Variants in IL1RAPL1 observed in about 807,000 individuals in gnomAD.
IL1RAPL1 encodes the protein interleukin-1 receptor accessory protein-like 1.
IL1RAPL1 carries 3 observed loss-of-function variants against 48.4 expected under a neutral mutation model. That is an observed-to-expected ratio of 0.06 (90% CI 0.03 to 0.16). The LOEUF (loss-of-function observed/expected upper bound fraction) is 0.16. IL1RAPL1 is among the 10% of genes least tolerant of loss of function. The pLI, the probability that IL1RAPL1 is intolerant of heterozygous loss-of-function variation, is 1.00. For synonymous variants in IL1RAPL1, 185 were observed against 187.7 expected, an observed-to-expected ratio of 0.99 and a Z score of 0.12; for missense variants, 349 against 530.6, an observed-to-expected ratio of 0.66 and a Z score of 3.36.
intron 3 of IL1RAPL1, among the ~76,000 whole-genome samples, chrX:29,358,244 C>T (rs1228044854): frequency 1.8e-5 from 2 of 111,142 alleles, no homozygotes; most frequent in Non-Finnish European, 3.8e-5. Flanking sequence ...GCTGCTTCTG[C>T]AGCCTTCCAA....
intron 5 of IL1RAPL1, among the ~76,000 whole-genome samples, chrX:29,605,931 A>T (rs1347113952): frequency 8.9e-6 from 1 of 112,110 alleles, no homozygotes; most frequent in Non-Finnish European, 1.9e-5. Context: ...AAAGAGATGG[A>T]TTTCGAAGAC....
chrX:29,244,253 C>A (rs1482350227), intron 2 of IL1RAPL1, among the ~76,000 whole-genome samples: 1 of 112,106 alleles, frequency 8.9e-6, no homozygotes, highest in Non-Finnish European at 1.9e-5. Context: ...TCTCAGGGAT[C>A]TGTCTGGTGA....
chrX:29,823,349 T>C (rs923561107), intron 6 of IL1RAPL1, among the ~76,000 whole-genome samples: 32 of 112,023 alleles, frequency 2.9e-4, no homozygotes, highest in African/African-American at 1.0e-3. Context: ...TGCTTCAAAC[T>C]GTGAGATATT....
intron 5 of IL1RAPL1, among the ~76,000 whole-genome samples, chrX:29,433,377 G>A (rs914639545): frequency 5.4e-5 from 6 of 110,576 alleles, no homozygotes; most frequent in African/African-American, 2.0e-4. Flanking sequence ...TCCCTTTCAA[G>A]TATATATAAT....
rs1033951038 is a variant in IL1RAPL1 at position 28,798,168 on chromosome X, C to A, written c.82+8743C>A. Among the ~76,000 whole-genome samples the A allele has an allele frequency of 3.6e-5, 4 of 111,066 alleles. No individual in the cohort carries two copies. The South Asian group carries it at 1.5e-3, about 43-fold the overall frequency. ...ATTCAAGATGAGATTTGGGTGGGGACACAGCCAAACCATATCAATGTTTAT... is the reference window on the plus strand; with the variant it reads ...ATTCAAGATGAGATTTGGGTGGGGAAACAGCCAAACCATATCAATGTTTAT... On this transcript the variant is annotated intron_variant, in intron 2 of 10. Coordinates refer to ENST00000378993, the MANE Select transcript of IL1RAPL1 (RefSeq NM_014271.4).
chrX:29,496,032 A>G (rs1419720489), intron 5 of IL1RAPL1, among the ~76,000 whole-genome samples: 1 of 111,374 alleles, frequency 9.0e-6, no homozygotes, highest in Non-Finnish European at 1.9e-5. Flanking sequence ...CTTTGCAGTT[A>G]TATCATACTG....
At chrX:29,113,487 T>C (rs772802513) in intron 2 of IL1RAPL1, among the ~76,000 whole-genome samples, 1 of 111,791 alleles carries the variant, frequency 8.9e-6, no homozygotes, top group South Asian at 3.8e-4. Context: ...AGTCTGGAAA[T>C]AATATATTTA....
At chrX:29,658,998 A>G (rs376108413) in intron 5 of IL1RAPL1, among the ~76,000 whole-genome samples, 219 of 112,167 alleles carry the variant, frequency 2.0e-3, no homozygotes, top group Middle Eastern at 4.6e-3. Context: ...ATTCATTGCA[A>G]TCCCTATCAA....
chrX:29,836,717 A>AT (rs1010516780), intron 6 of IL1RAPL1, among the ~76,000 whole-genome samples: 35 of 109,962 alleles, frequency 3.2e-4, no homozygotes, highest in Non-Finnish European at 4.0e-4. Context: ...ACATTGATAG[A>AT]TTTTTTTTTC....
intron 2 of IL1RAPL1, among the ~76,000 whole-genome samples, chrX:28,847,856 AT>A (rs1381968481): frequency 1.8e-5 from 2 of 111,379 alleles, no homozygotes; most frequent in African/African-American, 6.5e-5. Flanking sequence ...ATAATTTCTT[AT>A]TGTCTGTCTC....
chrX:29,268,717 C>A (rs1931994783), intron 2 of IL1RAPL1, among the ~76,000 whole-genome samples: 1 of 112,049 alleles, frequency 8.9e-6, no homozygotes, highest in Non-Finnish European at 1.9e-5. Context: ...GTGGGGAACC[C>A]TGCTTAATGC....
At chrX:29,099,940 G>C (rs903724178) in intron 2 of IL1RAPL1, among the ~76,000 whole-genome samples, 1 of 111,186 alleles carries the variant, frequency 9.0e-6, no homozygotes, top group African/African-American at 3.3e-5. Context: ...TAGGCCGGGC[G>C]TGGTGGCTCA....
chrX:29,276,728 C>T (rs974493660), intron 2 of IL1RAPL1, among the ~76,000 whole-genome samples: 5 of 110,697 alleles, frequency 4.5e-5, no homozygotes, highest in African/African-American at 6.6e-5. Context: ...GTTGCCCAGA[C>T]GAGACTAGAA....
At chrX:29,791,401 A>T (rs1347414597) in intron 6 of IL1RAPL1, among the ~76,000 whole-genome samples, 1 of 109,533 alleles carries the variant, frequency 9.1e-6, no homozygotes, top group Non-Finnish European at 1.9e-5. Context: ...ATTCAGTCTC[A>T]AACATTTTCT....
chrX:28,767,308 A>G (rs761241608), intron 1 of IL1RAPL1, among the ~76,000 whole-genome samples: 2 of 111,332 alleles, frequency 1.8e-5, no homozygotes, highest in Admixed American at 9.6e-5. Context: ...TGAAAGTGTC[A>G]TTGACATTGG....
At chrX:29,565,412 T>G (rs1419670614) in intron 5 of IL1RAPL1, among the ~76,000 whole-genome samples, 1 of 111,138 alleles carries the variant, frequency 9.0e-6, no homozygotes, top group Non-Finnish European at 1.9e-5. Flanking sequence ...AGTCAATATG[T>G]ATAAAACAAA....
chrX:29,553,092 C>A (rs1035260285), intron 5 of IL1RAPL1, among the ~76,000 whole-genome samples: 1 of 111,443 alleles, frequency 9.0e-6, no homozygotes, highest in Non-Finnish European at 1.9e-5. Flanking sequence ...ACATCAATGT[C>A]ATACCTGAGT....
intron 3 of IL1RAPL1, among the ~76,000 whole-genome samples, chrX:29,352,720 A>T (rs191777491): frequency 9.4e-6 from 1 of 105,908 alleles, no homozygotes; most frequent in Non-Finnish European, 1.9e-5. Context: ...TGGGCCACTT[A>T]ACCCTTTGAG....
chrX:29,550,361 CT>C, intron 5 of IL1RAPL1, among the ~76,000 whole-genome samples: 1 of 110,326 alleles, frequency 9.1e-6, no homozygotes, highest in South Asian at 3.9e-4. Context: ...CCGGCTAATT[CT>C]TTTTTGTATT....
Sources: gnomAD v4.1 joint callset for allele counts (sites outside exome capture counted in the v4.1 genomes callset) on GRCh38, gnomAD v4.1.1 for gene constraint, MANE v1.5 for transcripts, NCBI Gene and HGNC (gene_info 2026-07-23, HGNC 2026-07-21) for gene names.